NUMA1: variants seen among roughly 807,000 people sequenced by gnomAD.
NUMA1 encodes nuclear mitotic apparatus protein 1.
NUMA1 carries 62 observed loss-of-function variants against 237.1 expected under a neutral mutation model. The observed-to-expected ratio is 0.26, with a 90% CI of 0.21 to 0.32. The LOEUF is 0.32. NUMA1 is among the 10% of genes least tolerant of loss of function. The pLI, the probability that NUMA1 is intolerant of heterozygous loss-of-function variation, is 1.00. For synonymous variants in NUMA1, 1,028 were observed against 1,066.1 expected (o/e 0.96, Z 0.70); for missense variants, 2,533 against 2,666.5 (o/e 0.95, Z 1.10).
rs1956420955 is a variant in NUMA1, at chr11:72,014,967, G to A, written c.2536C>T (p.Arg846Cys). The part of the protein sequence containing the change: ...MTLKEECEKA[R>C]QELQEAKEKV... ...TCCTTTGCCTCCTGCAGCTCCTGGC[G>A]GGCCTTCTCACATTCCTCCTTCAAA... The change falls in exon 15 of 27, where the codon CGC becomes TGC. Residue 846 changes from arginine to cysteine, a missense_variant. Coordinates refer to ENST00000393695, the MANE Select transcript of NUMA1 (RefSeq NM_006185.4). This position sits in a 1 kb window ranked among gnomAD's most constrained non-coding sequence, Gnocchi z 4.6. The A allele has an allele frequency of 6.2e-7, 1 of 1,614,078 alleles. No homozygotes were observed. The highest frequency in any genetic ancestry group is 8.5e-7 in the Non-Finnish European group (1 of 1,180,034).
At chr11:72,007,680 C>G (rs1288286818) in intron 20 of NUMA1, 11 of 556,352 alleles carry the variant, frequency 2.0e-5, no homozygotes, top group Admixed American at 3.3e-5. Flanking sequence ...CCCATCCCCA[C>G]CAGATGCCCA....
Position 72,010,864 on chromosome 11 carries a change from GA to G in NUMA1, c.4651-11del. On this transcript the variant is annotated splice_polypyrimidine_tract_variant and intron_variant, in intron 16 of 26. Transcript: ENST00000393695. Reference sequence around the variant, plus strand: ...TACTCAGTTCTTCCACCTGGGGAGGGAAGAGGAGGACAGAAGACTCAGGAGG... The same window carrying G: ...TACTCAGTTCTTCCACCTGGGGAGGGAGAGGAGGACAGAAGACTCAGGAGG... The G allele has an allele frequency of 6.2e-7, 1 of 1,613,454 alleles. No individual in the cohort carries two copies. Among genetic ancestry groups the G allele is most frequent in the Non-Finnish European group, 8.5e-7 (1 of 1,179,586 alleles).
intron 1 of NUMA1, among the ~76,000 whole-genome samples, chr11:72,073,239 C>T (rs1424399436): frequency 6.8e-6 from 1 of 146,920 alleles, no homozygotes; most frequent in Non-Finnish European, 1.5e-5. Flanking sequence ...AGCTACACTA[C>T]TTAGGAGGCT....
At chr11:72,050,131 T>A (rs1591041696) in intron 2 of NUMA1, among the ~76,000 whole-genome samples, 1 of 152,224 alleles carries the variant, frequency 6.6e-6, no homozygotes, top group South Asian at 2.1e-4. Context: ...TGAAAGGTGA[T>A]TGGAGCCACA....
intron 2 of NUMA1, among the ~76,000 whole-genome samples, chr11:72,053,205 C>T (rs1284507131): frequency 1.3e-5 from 2 of 152,216 alleles, no homozygotes; most frequent in Non-Finnish European, 2.9e-5. Flanking sequence ...AAGCTGGTCT[C>T]GAACTCCTCA....
At chr11:72,018,639 T>C in intron 10 of NUMA1, 126 bp from the exon 11 acceptor site, 6 of 1,056,678 alleles carry the variant, frequency 5.7e-6, no homozygotes, top group Non-Finnish European at 8.4e-6. Context: ...GAATATGGTA[T>C]CCAATCTAAG....
At chr11:72,008,599 G>T in intron 20 of NUMA1, 89 bp downstream of exon 20, 2 of 1,381,556 alleles carry the variant, frequency 1.4e-6, no homozygotes, top group South Asian at 1.2e-5. Context: ...AATAAATTTA[G>T]ATCACATCTT....
Position 72,008,815 on chromosome 11 carries a change from G to A in NUMA1, c.5089C>T (p.Leu1697=). The A allele has an allele frequency of 6.2e-7, 1 of 1,614,162 alleles. No individual in the cohort carries two copies. Residue 1697 remains leucine, a synonymous_variant, in exon 20 of 27, where the codon CTG becomes TTG. Coordinates refer to ENST00000393695, the MANE Select transcript of NUMA1 (RefSeq NM_006185.4). ...TCAGTTGCCACCTGGAATTTGCCCAGGTCTCGAAGCTGCTGGTCTGCATGG... is the reference window on the plus strand; with the variant it reads ...TCAGTTGCCACCTGGAATTTGCCCAAGTCTCGAAGCTGCTGGTCTGCATGG... ...VAHADQQLRD[L]GKFQVATDAL... is the part of the protein sequence containing the mutation.
chr11:72,016,279 A>G lies in NUMA1; in HGVS notation c.1243-19T>C. 6.3e-7 allele frequency: 1 copy of G among 1,587,110 alleles called. No homozygotes were observed. Among genetic ancestry groups the G allele is most frequent in the Non-Finnish European group, 8.6e-7 (1 of 1,163,338 alleles). On this transcript the variant is annotated intron_variant, in intron 14 of 26. Coordinates refer to ENST00000393695, the MANE Select transcript of NUMA1 (RefSeq NM_006185.4). Reference sequence around the variant, plus strand: ...TTTCCAGCTGGTGGTATAAAGAGACAAACTGGGATCAGCATGACTCCTCAG... The same window carrying G: ...TTTCCAGCTGGTGGTATAAAGAGACGAACTGGGATCAGCATGACTCCTCAG...
At chr11:72,026,291 C>T (rs1039970965) in intron 4 of NUMA1, among the ~76,000 whole-genome samples, 1 of 152,236 alleles carries the variant, frequency 6.6e-6, no homozygotes, top group Non-Finnish European at 1.5e-5. Context: ...TGCAACTGCA[C>T]CATTTACAAC....
intron 2 of NUMA1, among the ~76,000 whole-genome samples, chr11:72,038,792 C>T (rs191700747): frequency 5.2e-4 from 79 of 152,148 alleles, no homozygotes; most frequent in African/African-American, 1.7e-3. Context: ...CCGTCCCCCC[C>T]ACAACCCTCA....
At chr11:72,074,238 A>C (rs929756833) in intron 1 of NUMA1, among the ~76,000 whole-genome samples, 1 of 146,542 alleles carries the variant, frequency 6.8e-6, no homozygotes, top group Admixed American at 6.9e-5. Context: ...CTGTAATCCC[A>C]GTTACTCGGG....
At chr11:72,004,369 C>G (rs746147892) in intron 24 of NUMA1, 28 bp from the exon 25 acceptor site, 5 of 1,592,778 alleles carry the variant, frequency 3.1e-6, no homozygotes, top group South Asian at 2.2e-5. Context: ...GTTAGGCAGA[C>G]AGTAGCAAGA....
intron 5 of NUMA1, among the ~76,000 whole-genome samples, chr11:72,023,433 T>A (rs996098771): frequency 6.6e-6 from 1 of 152,096 alleles, no homozygotes; most frequent in Non-Finnish European, 1.5e-5. Context: ...ACTCACCAAC[T>A]CTCAGCACCA....
At chr11:72,021,387 C>T in intron 7 of NUMA1, 96 bp from the exon 8 acceptor site, 2 of 1,070,244 alleles carry the variant, frequency 1.9e-6, no homozygotes, top group Admixed American at 3.9e-5. Context: ...GTCCCCGGCT[C>T]CCTCATGCCC....
rs1565188275 is a variant in NUMA1 at position 72,006,170 on chromosome 11, A to G, written c.5557T>C (p.Ser1853Pro). ...ASQASLRATSSTQSLARLGSP... is the reference protein window; with the variant it reads ...ASQASLRATSPTQSLARLGSP... The stretch of plus-strand genomic sequence containing the variant: ...CCCAGGCGAGCTAGAGACTGAGTAG[A>G]GGAGGTGGCTCGCAGGCTAGCCTGG... Residue 1853 changes from serine to proline, a missense_variant, in exon 22 of 27, where the codon TCT (serine) becomes CCT (proline). Physicochemically the swap from Ser to Pro is moderately conservative, Grantham distance 74. Coordinates refer to ENST00000393695, the MANE Select transcript of NUMA1 (RefSeq NM_006185.4). 6.2e-7 allele frequency: 1 copy of G among 1,614,108 alleles called. No homozygotes were observed. The highest frequency in any genetic ancestry group is 8.5e-7 in the Non-Finnish European group (1 of 1,180,016).
chr11:72,072,473 T>C (rs1439863054), intron 1 of NUMA1, among the ~76,000 whole-genome samples: 2 of 152,150 alleles, frequency 1.3e-5, no homozygotes, highest in Non-Finnish European at 2.9e-5. Context: ...ATCACTGGTA[T>C]TTCCTGTGCA....
intron 2 of NUMA1, among the ~76,000 whole-genome samples, chr11:72,053,956 G>A (rs900632459): frequency 2.0e-5 from 3 of 152,160 alleles, no homozygotes; most frequent in Admixed American, 1.3e-4. Flanking sequence ...TACGAAGGAC[G>A]TGTGAAGGTT....
intron 2 of NUMA1, chr11:72,065,459 GA>G (rs1227163317): frequency 6.6e-6 from 1 of 151,922 alleles, no homozygotes; most frequent in Non-Finnish European, 1.5e-5. Flanking sequence ...GGTAAATGGG[GA>G]AAAAAGCAGA....
Sources: allele counts gnomAD v4.1 joint callset (sites outside exome capture counted in the v4.1 genomes callset), GRCh38; gene constraint gnomAD v4.1.1; non-coding constraint Gnocchi (gnomAD v3.1); transcripts MANE v1.5; gene names NCBI Gene and HGNC (gene_info 2026-07-23, HGNC 2026-07-21).